The following ANO3 variants were observed in gnomAD, a reference collection of about 807,000 sequenced individuals.
ANO3 encodes the protein anoctamin 3, also known as anoctamin-3.
ANO3 carries 99 observed loss-of-function variants against 144.8 expected under a neutral mutation model. The ratio of observed to expected loss-of-function variants is 0.68; its 90% CI spans 0.58 to 0.81. ANO3 has a LOEUF of 0.81. Ranked by LOEUF, ANO3 falls within the 30% of genes least tolerant of loss-of-function variation. The pLI, the probability that ANO3 is intolerant of heterozygous loss-of-function variation, is 0.00. For missense variants in ANO3, 905 were observed against 1,202.2 expected, an observed-to-expected ratio of 0.75 and a Z score of 3.66; for synonymous variants, 414 against 392.6, an observed-to-expected ratio of 1.05 and a Z score of -0.64.
At chr11:26,492,374 T>C (rs969028307) in intron 4 of ANO3, among the ~76,000 whole-genome samples, 20 of 152,220 alleles carry the variant, frequency 1.3e-4, no homozygotes, top group Admixed American at 9.2e-4. Context: ...ATTCTACTTA[T>C]ATAATGTCTG....
intron 1 of ANO3, among the ~76,000 whole-genome samples, chr11:26,338,607 A>T (rs1463536105): frequency 6.6e-6 from 1 of 152,202 alleles, no homozygotes; most frequent in African/African-American, 2.4e-5. Context: ...GCTGCTGCTC[A>T]GTCTTTGGGT....
chr11:26,205,405 T>C (rs1186013708), intron 1 of ANO3, among the ~76,000 whole-genome samples: 3 of 152,168 alleles, frequency 2.0e-5, no homozygotes, highest in African/African-American at 4.8e-5. Flanking sequence ...ACATAATCTA[T>C]CCTAGTGGCA....
At chr11:26,421,643 T>A (rs1394111645) in intron 1 of ANO3, among the ~76,000 whole-genome samples, 1 of 152,040 alleles carries the variant, frequency 6.6e-6, no homozygotes, top group African/African-American at 2.4e-5. Flanking sequence ...GTTTACTTGG[T>A]AGGCTTTATC....
intron 14 of ANO3, among the ~76,000 whole-genome samples, chr11:26,579,810 G>A (rs1436574870): frequency 6.6e-6 from 1 of 152,090 alleles, no homozygotes; most frequent in Non-Finnish European, 1.5e-5. Flanking sequence ...TGAGGAGTCA[G>A]ACAAACCTGG....
chr11:26,442,045 G>T lies in ANO3; in HGVS notation c.174G>T (p.Gln58His). 6.2e-7 allele frequency: 1 copy of T among 1,614,148 alleles called. No individual in the cohort carries two copies. The highest frequency in any genetic ancestry group is 8.5e-7 in the Non-Finnish European group (1 of 1,180,026). ...KSLSQSTSLFQSTESESQAPT... is the reference protein window; with the variant it reads ...KSLSQSTSLFHSTESESQAPT... ...TGAGCCAGTCTACTTCCCTCTTCCAGTCAACCGAGAGTGAATCTCAGGCTC... is the reference window on the plus strand; with the variant it reads ...TGAGCCAGTCTACTTCCCTCTTCCATTCAACCGAGAGTGAATCTCAGGCTC... Residue 58 changes from glutamine (Q) to histidine (H), a missense_variant, in exon 2 of 27, where the codon CAG (glutamine) becomes CAT (histidine). Gln to His is a conservative substitution (Grantham distance 24). Transcript: ENST00000256737.
intron 4 of ANO3, among the ~76,000 whole-genome samples, chr11:26,468,174 G>A (rs765877116): frequency 2.2e-4 from 34 of 151,842 alleles, no homozygotes; most frequent in Non-Finnish European, 4.1e-4. Flanking sequence ...AGGTTAGCAG[G>A]AATAAGCCTA....
chr11:26,537,725 G>T (rs1849547550), intron 10 of ANO3, among the ~76,000 whole-genome samples: 1 of 152,184 alleles, frequency 6.6e-6, no homozygotes, highest in African/African-American at 2.4e-5. Flanking sequence ...TTCTGCTCCA[G>T]TACAGAGCTC....
chr11:26,408,622 T>A (rs370877380), intron 1 of ANO3, among the ~76,000 whole-genome samples: 1 of 149,110 alleles, frequency 6.7e-6, no homozygotes, highest in African/African-American at 2.4e-5. Flanking sequence ...ATCCCATTAC[T>A]GGGTATATGC....
At chr11:26,350,921 T>G (rs911593512) in intron 1 of ANO3, among the ~76,000 whole-genome samples, 1 of 152,168 alleles carries the variant, frequency 6.6e-6, no homozygotes, top group Non-Finnish European at 1.5e-5. Flanking sequence ...TCATTAGCAA[T>G]GAAATCTAAT....
At chr11:26,267,213 G>A (rs1233795317) in intron 1 of ANO3, among the ~76,000 whole-genome samples, 1 of 151,618 alleles carries the variant, frequency 6.6e-6, no homozygotes, top group East Asian at 1.9e-4. Context: ...CCCCCAAAAT[G>A]TCCTCAATGG....
intron 1 of ANO3, among the ~76,000 whole-genome samples, chr11:26,294,008 C>G (rs1854027809): frequency 6.6e-6 from 1 of 152,082 alleles, no homozygotes; most frequent in Non-Finnish European, 1.5e-5. Flanking sequence ...GGAAGAGTCT[C>G]TCCGTGTTTG....
intron 24 of ANO3, 39 bp downstream of exon 24, chr11:26,647,895 C>T: frequency 6.4e-7 from 1 of 1,567,974 alleles, no homozygotes; most frequent in South Asian, 1.2e-5. Flanking sequence ...ATATGTTTTA[C>T]ATTTGTAATT....
At chr11:26,495,071 C>T (rs1368467666) in intron 4 of ANO3, among the ~76,000 whole-genome samples, 2 of 137,340 alleles carry the variant, frequency 1.5e-5, no homozygotes, top group African/African-American at 2.7e-5. Flanking sequence ...TTATAAATAT[C>T]TACATTTATT....
At chr11:26,448,866 C>T (rs180830749) in intron 3 of ANO3, among the ~76,000 whole-genome samples, 202 of 150,976 alleles carry the variant, frequency 1.3e-3, no homozygotes, top group African/African-American at 4.8e-3. Flanking sequence ...CTCCTGGGTC[C>T]GTCTGCTACC....
intron 4 of ANO3, among the ~76,000 whole-genome samples, chr11:26,489,246 C>A (rs1000071860): frequency 6.6e-6 from 1 of 152,170 alleles, no homozygotes; most frequent in African/African-American, 2.4e-5. Context: ...ACTGTGACTT[C>A]AGACAGTGGA....
At chr11:26,315,581 G>A (rs895575609) in intron 1 of ANO3, among the ~76,000 whole-genome samples, 1 of 151,366 alleles carries the variant, frequency 6.6e-6, no homozygotes, top group Admixed American at 6.6e-5. Context: ...TGACAAGTGG[G>A]AATAAAGTTT....
chr11:26,416,271 G>T (rs1020573316), intron 1 of ANO3, among the ~76,000 whole-genome samples: 5 of 151,986 alleles, frequency 3.3e-5, no homozygotes, highest in Admixed American at 2.6e-4. Flanking sequence ...AATTCCTGAA[G>T]ATTTGTATTT....
At position 26,556,596 on chromosome 11, in the gene ANO3, G is replaced by GTTA. The variant is rs377513752; in HGVS notation, c.1387-3122_1387-3120dup. ...AAGGGTGAGGCCTCAAACTCTCTATGTTAACAAGTTCCTCAGGTGACTCTA... is the reference window on the plus strand; with the variant it reads ...AAGGGTGAGGCCTCAAACTCTCTATGTTATTAACAAGTTCCTCAGGTGACTCTA... On this transcript the variant is annotated intron_variant, in intron 13 of 26. Transcript: ENST00000256737. 1.2e-3 allele frequency among the ~76,000 whole-genome samples: 181 copies of GTTA among 152,258 alleles called. 1 individual carries two copies. Among genetic ancestry groups the GTTA allele is most frequent in the African/African-American group, 4.1e-3 (172 of 41,550 alleles).
At chr11:26,381,159 A>C (rs957804859) in intron 1 of ANO3, among the ~76,000 whole-genome samples, 19 of 152,156 alleles carry the variant, frequency 1.2e-4, no homozygotes, top group African/African-American at 4.3e-4. Flanking sequence ...ATCAGAATGT[A>C]ATAGACTAAA....
Sources: allele counts gnomAD v4.1 joint callset (sites outside exome capture counted in the v4.1 genomes callset), GRCh38; gene constraint gnomAD v4.1.1; transcripts MANE v1.5; gene names NCBI Gene and HGNC (gene_info 2026-07-23, HGNC 2026-07-21).